Variants in BEND7 observed in about 807,000 individuals in gnomAD.
The protein encoded by BEND7 is BEN domain containing 7.
BEND7 carries 28 observed loss-of-function variants against 50.9 expected under a neutral mutation model. The ratio of observed to expected loss-of-function variants is 0.55; its 90% CI spans 0.41 to 0.75. The LOEUF (loss-of-function observed/expected upper bound fraction) is 0.75. Ranked by LOEUF, BEND7 falls within the 30% of genes least tolerant of loss-of-function variation. The pLI is 0.00. For missense variants in BEND7, 477 were observed against 491.3 expected, an observed-to-expected ratio of 0.97 and a Z score of 0.28; for synonymous variants, 170 against 183.9, an observed-to-expected ratio of 0.92 and a Z score of 0.61.
chr10:13,463,627 A>G (rs762862207), intron 6 of BEND7, among the ~76,000 whole-genome samples: 23 of 152,306 alleles, frequency 1.5e-4, no homozygotes, highest in African/African-American at 2.2e-4. Flanking sequence ...TAAAAAATAA[A>G]ACTTTGTTGG....
intron 6 of BEND7, among the ~76,000 whole-genome samples, chr10:13,475,461 T>G (rs899225179): frequency 6.6e-6 from 1 of 152,242 alleles, no homozygotes; most frequent in Non-Finnish European, 1.5e-5. Context: ...TTCCTTGTGG[T>G]TCTATGTACT....
chr10:13,452,311 C>A (rs550061021), intron 7 of BEND7, among the ~76,000 whole-genome samples: 2 of 152,288 alleles, frequency 1.3e-5, no homozygotes, highest in African/African-American at 4.8e-5. Context: ...ATCTTTTTCA[C>A]TTGTACTATT....
intron 6 of BEND7, among the ~76,000 whole-genome samples, chr10:13,454,119 G>A (rs550505569): frequency 6.6e-6 from 1 of 152,298 alleles, no homozygotes; most frequent in East Asian, 1.9e-4. Context: ...GCCTCTCAGA[G>A]AACTGGCATT....
chr10:13,522,155 G>A (rs1250298109), intron 2 of BEND7, among the ~76,000 whole-genome samples: 4 of 152,242 alleles, frequency 2.6e-5, no homozygotes, highest in African/African-American at 9.6e-5. Context: ...AAATGAATGA[G>A]ACTGAACACC....
At chr10:13,458,017 A>G (rs545372390) in intron 6 of BEND7, among the ~76,000 whole-genome samples, 1 of 152,370 alleles carries the variant, frequency 6.6e-6, no homozygotes, top group South Asian at 2.1e-4. Context: ...GTGAAATAAG[A>G]TCAACAATTA....
chr10:13,513,998 A>AGATAC (rs2078471774), intron 2 of BEND7, among the ~76,000 whole-genome samples: 2 of 152,200 alleles, frequency 1.3e-5, no homozygotes, highest in African/African-American at 4.8e-5. Context: ...GGCCCTGCCA[A>AGATAC]AGGCCTTTTC....
At chr10:13,501,683 C>T (rs1449686608) in intron 2 of BEND7, among the ~76,000 whole-genome samples, 1 of 151,956 alleles carries the variant, frequency 6.6e-6, no homozygotes, top group Admixed American at 6.6e-5. Flanking sequence ...CCCGTCTCTA[C>T]AAAAAGTACA....
chr10:13,498,369 G>C (rs897699199), intron 3 of BEND7, among the ~76,000 whole-genome samples: 20 of 152,068 alleles, frequency 1.3e-4, no homozygotes, highest in Non-Finnish European at 2.1e-4. Flanking sequence ...GAGCCACCAC[G>C]CCTAGCCATA....
intron 7 of BEND7, among the ~76,000 whole-genome samples, chr10:13,451,352 C>G (rs1489519588): frequency 1.3e-5 from 2 of 151,338 alleles, no homozygotes; most frequent in Non-Finnish European, 2.9e-5. Context: ...TCTTGCTTGG[C>G]TAATTTTTAA....
chr10:13,495,730 T>C (rs2076977029), intron 4 of BEND7, among the ~76,000 whole-genome samples: 1 of 152,226 alleles, frequency 6.6e-6, no homozygotes, highest in Non-Finnish European at 1.5e-5. Context: ...GTGACTGATA[T>C]ATCTAAGTAT....
chr10:13,456,808 G>T (rs1413037129), intron 6 of BEND7, among the ~76,000 whole-genome samples: 1 of 152,172 alleles, frequency 6.6e-6, no homozygotes, highest in Non-Finnish European at 1.5e-5. Flanking sequence ...CTAATGGAAG[G>T]AAATACATTA....
intron 6 of BEND7, chr10:13,480,661 GT>G: frequency 1.0e-6 from 1 of 984,736 alleles, no homozygotes; most frequent in Non-Finnish European, 1.2e-6. Context: ...TCTGCAGCAG[GT>G]CAAACTGGCT....
chr10:13,490,572 C>T (rs747310399), intron 5 of BEND7, among the ~76,000 whole-genome samples: 13 of 152,200 alleles, frequency 8.5e-5, no homozygotes, highest in Non-Finnish European at 1.5e-4. Flanking sequence ...CATCTTCCTC[C>T]GGCTATCTCT....
chr10:13,519,247 TG>T (rs1219281237), intron 2 of BEND7, among the ~76,000 whole-genome samples: 1 of 148,950 alleles, frequency 6.7e-6, no homozygotes, highest in Non-Finnish European at 1.5e-5. Context: ...CTGAGGCAGG[TG>T]GATCACGAGG....
At chr10:13,486,302 T>C (rs541275341) in intron 5 of BEND7, among the ~76,000 whole-genome samples, 2 of 152,376 alleles carry the variant, frequency 1.3e-5, no homozygotes, top group East Asian at 3.9e-4. Context: ...GTGCTGGGAT[T>C]ATAGGCGGGA....
intron 6 of BEND7, among the ~76,000 whole-genome samples, chr10:13,453,609 A>T (rs950911073): frequency 1.5e-4 from 23 of 152,252 alleles, no homozygotes; most frequent in Non-Finnish European, 2.8e-4. Flanking sequence ...ACCATCTACC[A>T]TCAGATGAAG....
chr10:13,452,481 A>G (rs1357616948), intron 7 of BEND7, 58 bp downstream of exon 7: 5 of 1,525,098 alleles, frequency 3.3e-6, no homozygotes, highest in South Asian at 2.6e-5. Flanking sequence ...ATTGTACTTT[A>G]TAAAGTCTAA....
In BEND7 at chr10:13,496,838, T is replaced by A; in HGVS notation, c.499A>T (p.Asn167Tyr). ...ATGGCCTGCAACGTTGACTGGCAGT[T>A]ACAAGTACAGCAGTTTGATCCAGCT... The part of the protein sequence containing the change: ...SSAGSNCCTC[N>Y]CQSTLQAILQ... Residue 167 changes from asparagine to tyrosine, a missense_variant, in exon 4 of 9, where the codon AAC becomes TAC. Asn to Tyr is a moderately radical substitution (Grantham distance 143). Transcript: ENST00000466271. The A allele has an allele frequency of 1.2e-6, 2 of 1,608,996 alleles. No individual in the cohort carries two copies. Among genetic ancestry groups the A allele is most frequent in the South Asian group, 2.2e-5 (2 of 90,984 alleles).
At chr10:13,481,233 C>T in intron 5 of BEND7, 109 bp from the exon 6 acceptor site, 1 of 977,948 alleles carries the variant, frequency 1.0e-6, no homozygotes, top group East Asian at 2.6e-5. Flanking sequence ...ACATATCCTA[C>T]AAATGAAAAC....
Sources: gnomAD v4.1 joint callset for allele counts (sites outside exome capture counted in the v4.1 genomes callset) on GRCh38, gnomAD v4.1.1 for gene constraint, MANE v1.5 for transcripts, NCBI Gene and HGNC (gene_info 2026-07-23, HGNC 2026-07-21) for gene names.